The following PLEKHA8 variants were observed in gnomAD, a reference collection of about 807,000 sequenced individuals.
PLEKHA8 encodes the protein pleckstrin homology domain-containing family A member 8.
Under a neutral mutation model 68.2 loss-of-function variants are expected in PLEKHA8, and 36 were observed. That is an observed-to-expected ratio of 0.53 (90% CI 0.40 to 0.70). The LOEUF (loss-of-function observed/expected upper bound fraction) is 0.70, where lower values mean the gene tolerates loss of function less well. PLEKHA8 is among the 30% of genes least tolerant of loss of function. The pLI, the probability that PLEKHA8 is intolerant of heterozygous loss-of-function variation, is 0.00. For synonymous variants in PLEKHA8, 211 were observed against 216.1 expected (o/e 0.98, Z 0.20); for missense variants, 505 against 615.4 (o/e 0.82, Z 1.90).
At chr7:30,075,381 G>C (rs1794547624) in intron 13 of PLEKHA8, among the ~76,000 whole-genome samples, 1 of 152,132 alleles carries the variant, frequency 6.6e-6, no homozygotes, top group African/African-American at 2.4e-5. Context: ...TTGGACACTT[G>C]TTGTGTACCA....
chr7:30,078,464 C>T (rs1477314045), intron 13 of PLEKHA8, 126 bp from the exon 14 acceptor site: 1 of 997,196 alleles, frequency 1.0e-6, no homozygotes, highest in Non-Finnish European at 1.5e-6. Context: ...AGTCATATTT[C>T]TTTACTCTTG....
Position 30,062,721 on chromosome 7 carries a change from A to G in PLEKHA8, c.1279A>G (p.Lys427Glu). The change falls in exon 12 of 14, where the codon AAG becomes GAG. Residue 427 changes from lysine (K) to glutamate (E), a missense_variant. Physicochemically the swap from Lys to Glu is moderately conservative, Grantham distance 56. Coordinates refer to ENST00000449726, the MANE Select transcript of PLEKHA8 (RefSeq NM_001197026.2). ...GFLTEVKNGE[K>E]DIQTALNNAY... ...TTTGACAGAAGTGAAAAATGGGGAG[A>G]AGGATATCCAGACAGCCCTAAGTAA... 6.2e-7 allele frequency: 1 copy of G among 1,613,442 alleles called. No homozygotes were observed. The highest frequency in any genetic ancestry group is 8.5e-7 in the Non-Finnish European group (1 of 1,179,444).
At chr7:30,036,487 G>C (rs1791109980) in intron 1 of PLEKHA8, among the ~76,000 whole-genome samples, 2 of 152,072 alleles carry the variant, frequency 1.3e-5, no homozygotes, top group Non-Finnish European at 2.9e-5. Context: ...ATAATGCCCA[G>C]AGGAATTAAG....
At chr7:30,034,259 T>C (rs565234792) in intron 1 of PLEKHA8, among the ~76,000 whole-genome samples, 3 of 151,974 alleles carry the variant, frequency 2.0e-5, no homozygotes, top group African/African-American at 7.3e-5. Flanking sequence ...TCCGCCTGCC[T>C]CGGCCTCCCA....
At chr7:30,094,972 G>A (rs950201966), downstream of PLEKHA8, among the ~76,000 whole-genome samples, 10 of 152,046 alleles carry the variant, frequency 6.6e-5, no homozygotes, top group South Asian at 2.1e-4. Flanking sequence ...TGTGAATAGC[G>A]CTACAATAAA....
At chr7:30,044,322 A>G (rs1791783042) in intron 1 of PLEKHA8, among the ~76,000 whole-genome samples, 1 of 152,256 alleles carries the variant, frequency 6.6e-6, no homozygotes, top group Middle Eastern at 3.4e-3. Context: ...CATTTTATGA[A>G]GAGATCCAGT....
chr7:30,107,560 A>C (rs982299273), intron 13 of PLEKHA8, among the ~76,000 whole-genome samples: 1 of 152,062 alleles, frequency 6.6e-6, no homozygotes, highest in African/African-American at 2.4e-5. Context: ...TGTCTTATAT[A>C]AGCAAAAAGG....
intron 13 of PLEKHA8, among the ~76,000 whole-genome samples, chr7:30,101,865 A>G (rs1204739799): frequency 6.6e-6 from 1 of 152,228 alleles, no homozygotes; most frequent in East Asian, 1.9e-4. Flanking sequence ...GTGCAATCCC[A>G]ATCTAAATAC....
intron 1 of PLEKHA8, among the ~76,000 whole-genome samples, chr7:30,033,609 A>C (rs1790823475): frequency 6.6e-6 from 1 of 152,156 alleles, no homozygotes; most frequent in Non-Finnish European, 1.5e-5. Context: ...TGCTGTGAAC[A>C]CTCATGTACA....
intron 9 of PLEKHA8, among the ~76,000 whole-genome samples, chr7:30,056,308 C>CTATATATA (rs1231941889): frequency 8.9e-4 from 74 of 83,214 alleles, no homozygotes; most frequent in East Asian, 3.8e-3. Flanking sequence ...CTCTCTCTCT[C>CTATATATA]TCTCTATATA....
At chr7:30,121,885 C>A (rs1796703357) in intron 13 of PLEKHA8, among the ~76,000 whole-genome samples, 2 of 152,204 alleles carry the variant, frequency 1.3e-5, no homozygotes, top group African/African-American at 4.8e-5. Flanking sequence ...TTTTCCTGCC[C>A]AGGCCTAGAG....
intron 10 of PLEKHA8, 28 bp downstream of exon 10, chr7:30,060,970 A>T (rs1421749374): frequency 6.2e-7 from 1 of 1,600,502 alleles, no homozygotes; most frequent in Non-Finnish European, 8.5e-7. Flanking sequence ...TCTCTGTGGA[A>T]ACTTTTAAAT....
chr7:30,107,490 G>A (rs528735756), intron 13 of PLEKHA8, among the ~76,000 whole-genome samples: 2 of 151,984 alleles, frequency 1.3e-5, no homozygotes, highest in African/African-American at 4.8e-5. Flanking sequence ...GTAGTTTATA[G>A]GTTCCTTTGT....
intron 1 of PLEKHA8, among the ~76,000 whole-genome samples, chr7:30,038,557 G>A (rs1791282288): frequency 6.6e-6 from 1 of 152,136 alleles, no homozygotes; most frequent in East Asian, 1.9e-4. Flanking sequence ...AGGGAATTTT[G>A]GGGACAATTT....
chr7:30,087,626 G>C (rs191049414), downstream of PLEKHA8, among the ~76,000 whole-genome samples: 62 of 152,312 alleles, frequency 4.1e-4, 1 homozygote, highest in African/African-American at 1.3e-3. Context: ...AACTCCCAGT[G>C]CTGTGCACAG....
At chr7:30,076,288 C>T (rs2127997691) in intron 13 of PLEKHA8, among the ~76,000 whole-genome samples, 1 of 152,190 alleles carries the variant, frequency 6.6e-6, no homozygotes, top group East Asian at 1.9e-4. Flanking sequence ...ATGGAGATAT[C>T]ATAATTTATT....
chr7:30,040,003 T>A (rs949085196), intron 1 of PLEKHA8, among the ~76,000 whole-genome samples: 1 of 152,232 alleles, frequency 6.6e-6, no homozygotes, highest in Non-Finnish European at 1.5e-5. Context: ...ACACATTAAC[T>A]ATGGGTTCTT....
chr7:30,058,996 C>A (rs919407232), intron 9 of PLEKHA8, among the ~76,000 whole-genome samples: 4 of 152,214 alleles, frequency 2.6e-5, no homozygotes, highest in African/African-American at 9.6e-5. Flanking sequence ...TGGCGCAAGC[C>A]TGTAGTCCCA....
chr7:30,030,286 TTTG>T (rs901880286), intron 1 of PLEKHA8, among the ~76,000 whole-genome samples: 4 of 152,162 alleles, frequency 2.6e-5, no homozygotes, highest in African/African-American at 9.7e-5. Flanking sequence ...CCCAACTTTT[TTTG>T]TTGTTTTGTG....
Sources: gnomAD v4.1 joint callset for allele counts (sites outside exome capture counted in the v4.1 genomes callset) on GRCh38, gnomAD v4.1.1 for gene constraint, MANE v1.5 for transcripts, NCBI Gene and HGNC (gene_info 2026-07-23, HGNC 2026-07-21) for gene names.